Variants in TBC1D10A observed in about 807,000 individuals in gnomAD.
TBC1D10A encodes the protein EBP50-PDX interactor of 64 kDa.
TBC1D10A carries 24 observed loss-of-function variants against 52.9 expected under a neutral mutation model. The ratio of observed to expected loss-of-function variants is 0.45; its 90% CI spans 0.33 to 0.64. The LOEUF (loss-of-function observed/expected upper bound fraction) is 0.64, where lower values mean the gene tolerates loss of function less well. Ranked by LOEUF, TBC1D10A falls within the 30% of genes least tolerant of loss-of-function variation. TBC1D10A has a pLI of 0.02. For missense variants in TBC1D10A, 602 were observed against 687.9 expected (o/e 0.88, Z 1.40); for synonymous variants, 278 against 282.9 (o/e 0.98, Z 0.17).
In TBC1D10A at chr22:30,292,074, CACCCTA is replaced by C. The variant is rs1929953986; in HGVS notation, c.*295_*300del. 8.2e-6 allele frequency: 3 copies of C among 364,252 alleles called. No individual in the cohort carries two copies. In the Middle Eastern group the frequency reaches 2.1e-3, roughly 255 times the overall value. The allele number at this position is 364,252 out of a possible 1,614,324, so 22.6% of individuals were successfully genotyped here. A position where few individuals can be genotyped will look rare whatever the true frequency, so the allele number is the denominator to read the frequency against. On this transcript the variant is annotated 3_prime_UTR_variant, in exon 9 of 9. Transcript: ENST00000215790. ...ACCCCACCCTTTCCCCTCACACCAG[CACCCTA>C]ACCCTGGGGAGCATCCCCCAGGAGG...
At chr22:30,303,415 G>A (rs577343784) in intron 2 of TBC1D10A, among the ~76,000 whole-genome samples, 2 of 152,350 alleles carry the variant, frequency 1.3e-5, no homozygotes, top group African/African-American at 4.8e-5. Context: ...TCATAGCACA[G>A]GGCTTCACCA....
Position 30,310,190 on chromosome 22 carries a change from T to A in TBC1D10A, c.210-5560A>T, listed in dbSNP as rs531873905. Reference sequence around the variant, plus strand: ...AGACCATGTGCAAAAAGTGACAACTTCTTCATCTTTCAGTGGGGTCATAAC... The same window carrying A: ...AGACCATGTGCAAAAAGTGACAACTACTTCATCTTTCAGTGGGGTCATAAC... On this transcript the variant is annotated intron_variant, in intron 1 of 8. Transcript: ENST00000215790. 7.9e-4 allele frequency among the ~76,000 whole-genome samples: 121 copies of A among 152,318 alleles called. 1 individual carries two copies. The highest frequency in any genetic ancestry group is 2.7e-3 in the African/African-American group (114 of 41,564).
At chr22:30,312,239 C>T (rs1368924729) in intron 1 of TBC1D10A, among the ~76,000 whole-genome samples, 1 of 152,218 alleles carries the variant, frequency 6.6e-6, no homozygotes, top group Admixed American at 6.5e-5. Context: ...CTCATCCTTA[C>T]CAAACTGCTA....
At chr22:30,312,565 TAACAACAAC>T (rs960773778) in intron 1 of TBC1D10A, among the ~76,000 whole-genome samples, 1 of 151,864 alleles carries the variant, frequency 6.6e-6, no homozygotes. Context: ...CAAAGAACAA[TAACAACAAC>T]AACAACAAAA....
intron 1 of TBC1D10A, among the ~76,000 whole-genome samples, chr22:30,314,907 C>A (rs1383318611): frequency 6.6e-6 from 1 of 152,128 alleles, no homozygotes; most frequent in Non-Finnish European, 1.5e-5. Context: ...CAGACTCCTT[C>A]CCCAAGTGAC....
chr22:30,315,423 G>A (rs1280083532), intron 1 of TBC1D10A, among the ~76,000 whole-genome samples: 1 of 152,138 alleles, frequency 6.6e-6, no homozygotes, highest in Non-Finnish European at 1.5e-5. Flanking sequence ...GCCACACCCA[G>A]CTAATTTTTT....
chr22:30,293,105 C>T (rs1929987989), intron 8 of TBC1D10A: 1 of 620,474 alleles, frequency 1.6e-6, no homozygotes, highest in African/African-American at 1.9e-5. Flanking sequence ...ACCTGCCTGA[C>T]TATGGGGCTA....
intron 1 of TBC1D10A, among the ~76,000 whole-genome samples, chr22:30,314,810 CAAAA>C (rs113564669): frequency 2.7e-5 from 2 of 73,838 alleles, no homozygotes; most frequent in African/African-American, 8.9e-5. Context: ...GACCCTGACT[CAAAA>C]AAAAAAAAAA....
intron 8 of TBC1D10A, chr22:30,293,087 A>G: frequency 1.6e-6 from 1 of 620,152 alleles, no homozygotes; most frequent in South Asian, 2.0e-5. Context: ...CCACAGCTTC[A>G]CGAGTCCACC....
chr22:30,316,281 T>A (rs748091224), intron 1 of TBC1D10A, among the ~76,000 whole-genome samples: 8 of 151,624 alleles, frequency 5.3e-5, no homozygotes, highest in Non-Finnish European at 1.2e-4. Context: ...AAGCCAGGAG[T>A]TTAAGACCAA....
In TBC1D10A at chr22:30,304,559, TC is replaced by T; in HGVS notation, c.280del (p.Asp94ThrfsTer36). ...SKWLDMLNNW[D>X]KWMAKKHKKI... ...TTTGTGCTTCTTGGCCATCCATTTG[TC>T]CCAGTTGTTGAGCATGTCCAGCCAC... On this transcript the variant is annotated frameshift_variant, in exon 2 of 9. Coordinates refer to ENST00000215790, the MANE Select transcript of TBC1D10A (RefSeq NM_031937.3). LOFTEE classifies it high-confidence loss of function. The T allele has an allele frequency of 6.2e-7, 1 of 1,614,112 alleles. No individual in the cohort carries two copies. Among genetic ancestry groups the T allele is most frequent in the Non-Finnish European group, 8.5e-7 (1 of 1,179,990 alleles).
In TBC1D10A at chr22:30,325,288, GGAA is replaced by G. The variant is rs1217452179; in HGVS notation, c.209+1382_209+1384del. On this transcript the variant is annotated intron_variant, in intron 1 of 8. Coordinates refer to ENST00000215790, the MANE Select transcript of TBC1D10A (RefSeq NM_031937.3). Reference sequence around the variant, plus strand: ...AGGGGAGGGGCCTGGATTTCTCCAAGGAAGAAGGAGGCCTGGTGAATAAGAGGC... The same window carrying G: ...AGGGGAGGGGCCTGGATTTCTCCAAGGAAGGAGGCCTGGTGAATAAGAGGC... Among the ~76,000 whole-genome samples the G allele has an allele frequency of 2.0e-5, 3 of 152,374 alleles. No individual in the cohort carries two copies. The East Asian group carries it at 5.8e-4, about 29-fold the overall frequency.
chr22:30,294,712 G>A, intron 6 of TBC1D10A, 84 bp downstream of exon 6: 1 of 1,582,296 alleles, frequency 6.3e-7, no homozygotes, highest in Non-Finnish European at 8.7e-7. Context: ...TTTAACCTGG[G>A]CAGGAGTTAC....
At chr22:30,295,144 A>G in intron 4 of TBC1D10A, 89 bp from the exon 5 acceptor site, 1 of 1,290,652 alleles carries the variant, frequency 7.7e-7, no homozygotes, top group South Asian at 1.2e-5. Context: ...AGCCAGCCTC[A>G]GAATCTGCCC....
chr22:30,293,374 C>A (rs1036440671), intron 8 of TBC1D10A: 3 of 686,694 alleles, frequency 4.4e-6, no homozygotes, highest in Admixed American at 4.1e-5. Context: ...GCCAAGGCTG[C>A]GAATGGGGTA....
Position 30,293,952 on chromosome 22 carries a change from C to T in TBC1D10A, c.864G>A (p.Val288=). The T allele has an allele frequency of 6.2e-7, 1 of 1,614,086 alleles. No homozygotes were observed. The highest frequency in any genetic ancestry group is 1.7e-5 in the Admixed American group (1 of 60,030). The change falls in exon 7 of 9, where the codon GTG becomes GTA. Residue 288 remains valine, a synonymous_variant. Coordinates refer to ENST00000215790, the MANE Select transcript of TBC1D10A (RefSeq NM_031937.3). ...AFSRTLPWSS[V]LRVWDMFFCE... The stretch of plus-strand genomic sequence containing the variant: ...AGAAGAACATGTCCCAGACACGCAG[C>T]ACAGAGCTCCAGGGCAAGGTTCGGG...
chr22:30,295,894 G>A, intron 3 of TBC1D10A, 51 bp from the exon 4 acceptor site: 1 of 1,536,286 alleles, frequency 6.5e-7, no homozygotes, highest in Non-Finnish European at 8.9e-7. Flanking sequence ...GGTGGGCTTT[G>A]CTGACAGGAC....
intron 1 of TBC1D10A, among the ~76,000 whole-genome samples, chr22:30,314,114 T>A (rs1281228113): frequency 6.6e-6 from 1 of 152,194 alleles, no homozygotes; most frequent in Non-Finnish European, 1.5e-5. Context: ...AAACTCAGGT[T>A]CTTCAGAAAG....
rs1020056624 is a variant in TBC1D10A, at chr22:30,315,370, C to T, written c.210-10740G>A. 5.9e-5 allele frequency among the ~76,000 whole-genome samples: 9 copies of T among 152,332 alleles called. No individual in the cohort carries two copies. The East Asian group carries it at 1.3e-3, about 23-fold the overall frequency. ...ACTGTGCTGGGTGCTTTACCAACAA[C>T]ATCTCCCTTAATCCTAACAATACTC... On this transcript the variant is annotated intron_variant, in intron 1 of 8. Transcript: ENST00000215790.
Sources: gnomAD v4.1 joint callset for allele counts (sites outside exome capture counted in the v4.1 genomes callset) on GRCh38, gnomAD v4.1.1 for gene constraint, MANE v1.5 for transcripts, NCBI Gene and HGNC (gene_info 2026-07-23, HGNC 2026-07-21) for gene names.